The following KCNMA1 variants were observed in gnomAD, a reference collection of about 807,000 sequenced individuals.
The protein encoded by KCNMA1 is Calcium-activated potassium channel subunit alpha-1.
In KCNMA1, 29 loss-of-function variants were observed where a neutral mutation model predicts 140.0. That is an observed-to-expected ratio of 0.21 (90% CI 0.15 to 0.28). KCNMA1 has a LOEUF of 0.28. Ranked by LOEUF, KCNMA1 falls within the 10% of genes least tolerant of loss-of-function variation. The pLI is 1.00. For synonymous variants in KCNMA1, 612 were observed against 611.9 expected, an observed-to-expected ratio of 1.00 and a Z score of 0.00; for missense variants, 880 against 1,602.2, an observed-to-expected ratio of 0.55 and a Z score of 7.70.
intron 3 of KCNMA1, among the ~76,000 whole-genome samples, chr10:77,228,694 C>T (rs1256842445): frequency 1.3e-5 from 2 of 152,206 alleles, no homozygotes; most frequent in African/African-American, 4.8e-5. Flanking sequence ...GCCTACCATG[C>T]TCTGAGCTAA....
chr10:77,554,867 T>A (rs539596550), intron 1 of KCNMA1, among the ~76,000 whole-genome samples: 9 of 152,198 alleles, frequency 5.9e-5, no homozygotes, highest in Admixed American at 5.9e-4. Flanking sequence ...CCTGGGGGTC[T>A]TAGGGAAAGG....
intron 2 of KCNMA1, among the ~76,000 whole-genome samples, chr10:77,336,321 G>A (rs1489757498): frequency 6.6e-6 from 1 of 151,958 alleles, no homozygotes; most frequent in Non-Finnish European, 1.5e-5. Flanking sequence ...TAGAAAGAAG[G>A]CTACAGAACA....
At chr10:77,212,411 C>A (rs1469853144) in intron 3 of KCNMA1, among the ~76,000 whole-genome samples, 1 of 152,002 alleles carries the variant, frequency 6.6e-6, no homozygotes, top group Non-Finnish European at 1.5e-5. Context: ...CACACATGGA[C>A]ATAAACATGG....
chr10:77,186,521 C>T (rs2098854915), intron 3 of KCNMA1, among the ~76,000 whole-genome samples: 1 of 152,112 alleles, frequency 6.6e-6, no homozygotes, highest in Admixed American at 6.5e-5. Flanking sequence ...TAGGCCTGCT[C>T]TCCTACACAG....
chr10:77,232,833 T>G (rs114529472), intron 3 of KCNMA1, among the ~76,000 whole-genome samples: 4 of 152,216 alleles, frequency 2.6e-5, no homozygotes, highest in Admixed American at 2.0e-4. Context: ...TTAATTGATG[T>G]GAAGAGTCCA....
intron 16 of KCNMA1, among the ~76,000 whole-genome samples, chr10:77,021,671 C>CA (rs1192277415): frequency 6.6e-6 from 1 of 152,210 alleles, no homozygotes; most frequent in African/African-American, 2.4e-5. Context: ...GAATCGAAAG[C>CA]ATCTCTAATT....
At chr10:77,586,005 T>G (rs2154563790) in intron 1 of KCNMA1, among the ~76,000 whole-genome samples, 1 of 152,266 alleles carries the variant, frequency 6.6e-6, no homozygotes, top group South Asian at 2.1e-4. Context: ...TAGAAACCAA[T>G]CTGACCACGC....
chr10:77,579,015 C>A (rs1169381725), intron 1 of KCNMA1, among the ~76,000 whole-genome samples: 1 of 152,220 alleles, frequency 6.6e-6, no homozygotes, highest in African/African-American at 2.4e-5. Flanking sequence ...CTCCCGGAGT[C>A]GTTGGGCTTC....
intron 1 of KCNMA1, among the ~76,000 whole-genome samples, chr10:77,487,430 G>A (rs1369344916): frequency 6.6e-6 from 1 of 152,078 alleles, no homozygotes; most frequent in Admixed American, 6.6e-5. Context: ...TATACTTTTG[G>A]TGCAATACAC....
At chr10:77,032,172 C>T (rs1437419849) in intron 15 of KCNMA1, among the ~76,000 whole-genome samples, 1 of 152,154 alleles carries the variant, frequency 6.6e-6, no homozygotes. Context: ...CTTCTAGAGA[C>T]CCTCTTATAC....
chr10:76,995,673 A>G (rs1250155777), intron 19 of KCNMA1: 1 of 470,772 alleles, frequency 2.1e-6, no homozygotes, highest in African/African-American at 2.0e-5. Flanking sequence ...GCCTGGTGGT[A>G]GAAGCTGTCA....
intron 1 of KCNMA1, among the ~76,000 whole-genome samples, chr10:77,564,047 A>G (rs946837371): frequency 2.0e-5 from 3 of 152,250 alleles, no homozygotes; most frequent in Admixed American, 6.5e-5. Flanking sequence ...CACATGGCAC[A>G]GTGCCAGGCA....
intron 2 of KCNMA1, among the ~76,000 whole-genome samples, chr10:77,363,887 C>T (rs879340651): frequency 3.3e-5 from 5 of 152,148 alleles, no homozygotes; most frequent in Non-Finnish European, 2.9e-5. Context: ...TCCTATAGTT[C>T]CCTGTTCTTT....
At chr10:77,019,142 G>T in intron 16 of KCNMA1, 43 bp from the exon 17 acceptor site, 2 of 1,077,548 alleles carry the variant, frequency 1.9e-6, no homozygotes, top group Non-Finnish European at 2.9e-6. Context: ...ACATTTGTGA[G>T]GTCATGTTCT....
intron 13 of KCNMA1, among the ~76,000 whole-genome samples, chr10:77,075,149 G>C (rs544236165): frequency 6.6e-6 from 1 of 152,130 alleles, no homozygotes; most frequent in Non-Finnish European, 1.5e-5. Flanking sequence ...CTCATGGAGG[G>C]GCCACAGCAA....
chr10:77,455,230 T>G (rs1413757537), intron 1 of KCNMA1, among the ~76,000 whole-genome samples: 1 of 152,164 alleles, frequency 6.6e-6, no homozygotes, highest in Non-Finnish European at 1.5e-5. Flanking sequence ...GCAGCTACCC[T>G]TACTCCTACT....
chr10:76,873,235 G>A (rs2031718784), downstream of KCNMA1: 1 of 152,140 alleles, frequency 6.6e-6, no homozygotes, highest in Non-Finnish European at 1.5e-5. Flanking sequence ...TGGAAATCTT[G>A]AAATTATTAA....
chr10:77,472,299 TCACA>T (rs368805491), intron 1 of KCNMA1, among the ~76,000 whole-genome samples: 110 of 105,806 alleles, frequency 1.0e-3, no homozygotes, highest in African/African-American at 3.7e-3. Context: ...CACACACACA[TCACA>T]CACACACAGA....
intron 13 of KCNMA1, among the ~76,000 whole-genome samples, chr10:77,077,371 A>G (rs1186588457): frequency 6.6e-6 from 1 of 152,214 alleles, no homozygotes; most frequent in Non-Finnish European, 1.5e-5. Context: ...TAAGCAAATA[A>G]TCATGAATTG....
Sources: gnomAD v4.1 joint callset for allele counts (sites outside exome capture counted in the v4.1 genomes callset) on GRCh38, gnomAD v4.1.1 for gene constraint, MANE v1.5 for transcripts, NCBI Gene and HGNC (gene_info 2026-07-23, HGNC 2026-07-21) for gene names.